The following FAM107B variants were observed in gnomAD, a reference collection of about 807,000 sequenced individuals.
FAM107B encodes the protein family with sequence similarity 107 member B.
In FAM107B, 21 loss-of-function variants were observed where a neutral mutation model predicts 31.5. The ratio of observed to expected loss-of-function variants is 0.67; its 90% CI spans 0.47 to 0.96. FAM107B has a LOEUF of 0.96. FAM107B is among the 40% of genes least tolerant of loss of function. The pLI is 0.00. For missense variants in FAM107B, 452 were observed against 377.1 expected (o/e 1.20, Z -1.64); for synonymous variants, 157 against 141.5 (o/e 1.11, Z -0.78).
chr10:14,633,773 G>C (rs1234695721), intron 2 of FAM107B, among the ~76,000 whole-genome samples: 1 of 151,944 alleles, frequency 6.6e-6, no homozygotes, highest in East Asian at 1.9e-4. Context: ...TTTTTCATAA[G>C]GCAGCTAGAG....
intron 1 of FAM107B, among the ~76,000 whole-genome samples, chr10:14,691,307 G>A (rs1321114970): frequency 6.6e-6 from 1 of 152,156 alleles, no homozygotes; most frequent in Non-Finnish European, 1.5e-5. Flanking sequence ...ACAGAGGTTA[G>A]CTCAGTCCTG....
intron 1 of FAM107B, among the ~76,000 whole-genome samples, chr10:14,716,060 T>C (rs1307228985): frequency 6.6e-6 from 1 of 152,236 alleles, no homozygotes; most frequent in African/African-American, 2.4e-5. Flanking sequence ...ATATTCCTGA[T>C]GAGACTGGCA....
intron 1 of FAM107B, among the ~76,000 whole-genome samples, chr10:14,766,906 A>G (rs1833173623): frequency 6.7e-6 from 1 of 149,600 alleles, no homozygotes; most frequent in African/African-American, 2.4e-5. Context: ...AACTCCTCCA[A>G]AGAACTGAAG....
At chr10:14,713,287 G>T (rs1855704552) in intron 1 of FAM107B, among the ~76,000 whole-genome samples, 1 of 152,148 alleles carries the variant, frequency 6.6e-6, no homozygotes, top group African/African-American at 2.4e-5. Context: ...TCATATCACA[G>T]CATGGATAAT....
chr10:14,566,738 A>G (rs1295746966), intron 2 of FAM107B, among the ~76,000 whole-genome samples: 1 of 152,248 alleles, frequency 6.6e-6, no homozygotes, highest in Non-Finnish European at 1.5e-5. Context: ...AGGAAAGAGA[A>G]AGTGGTCACT....
At chr10:14,714,994 G>A (rs1393011300) in intron 1 of FAM107B, among the ~76,000 whole-genome samples, 1 of 152,144 alleles carries the variant, frequency 6.6e-6, no homozygotes, top group Non-Finnish European at 1.5e-5. Flanking sequence ...ATAAGAAGCA[G>A]GTGGTCCGCC....
chr10:14,638,035 A>C (rs1853546722), intron 2 of FAM107B, among the ~76,000 whole-genome samples: 1 of 152,148 alleles, frequency 6.6e-6, no homozygotes, highest in Non-Finnish European at 1.5e-5. Context: ...TTTTGTCACT[A>C]AGTTTGTGGT....
Position 14,519,221 on chromosome 10 carries a change from A to T in FAM107B, c.*1969T>A, listed in dbSNP as rs892286869. 3.3e-5 allele frequency: 5 copies of T among 152,118 alleles called. No individual in the cohort carries two copies. The highest frequency in any genetic ancestry group is 7.4e-5 in the Non-Finnish European group (5 of 68,008). The allele number at this position is 152,118 out of a possible 1,614,324, so 9.4% of individuals were successfully genotyped here. A position where few individuals can be genotyped will look rare whatever the true frequency, so the allele number is the denominator to read the frequency against. On this transcript the variant is annotated 3_prime_UTR_variant, in exon 5 of 5. Coordinates refer to ENST00000181796, the MANE Select transcript of FAM107B (RefSeq NM_031453.4). Reference sequence around the variant, plus strand: ...CTCTAGGAACAGAAATGGTCCTTCTAAAGGAGCCTACCAGGGCCCCTGTGA... The same window carrying T: ...CTCTAGGAACAGAAATGGTCCTTCTTAAGGAGCCTACCAGGGCCCCTGTGA...
chr10:14,530,544 T>A (rs1564529400), intron 2 of FAM107B, 29 bp from the exon 3 acceptor site: 1 of 1,605,214 alleles, frequency 6.2e-7, no homozygotes, highest in Non-Finnish European at 8.5e-7. Flanking sequence ...AAACACTCAT[T>A]TGCAGTTTTT....
At chr10:14,700,365 T>C (rs992918686) in intron 1 of FAM107B, among the ~76,000 whole-genome samples, 2 of 152,172 alleles carry the variant, frequency 1.3e-5, no homozygotes, top group African/African-American at 2.4e-5. Context: ...AGAACTATTC[T>C]TTGAATATGA....
chr10:14,673,215 T>C (rs919754741), intron 1 of FAM107B, among the ~76,000 whole-genome samples: 3 of 152,224 alleles, frequency 2.0e-5, no homozygotes, highest in Non-Finnish European at 4.4e-5. Context: ...TGCAGTGCTA[T>C]AGAACACTAG....
chr10:14,774,120 G>T, intron 1 of FAM107B, 133 bp downstream of exon 1: 1 of 1,068,830 alleles, frequency 9.4e-7, no homozygotes. Flanking sequence ...ACACTTCTTC[G>T]CACTAGTGAG....
intron 1 of FAM107B, chr10:14,723,088 A>T: frequency 2.7e-6 from 1 of 373,200 alleles, no homozygotes; most frequent in Non-Finnish European, 5.2e-6. Flanking sequence ...TTTGGCATGT[A>T]TCTTTTTTTC....
intron 3 of FAM107B, among the ~76,000 whole-genome samples, chr10:14,524,343 A>G (rs1252890041): frequency 5.3e-5 from 8 of 152,158 alleles, no homozygotes; most frequent in Admixed American, 5.2e-4. Context: ...ACACCCAGCT[A>G]GTATAGTCCA....
At chr10:14,526,072 G>A (rs1427084889) in intron 3 of FAM107B, among the ~76,000 whole-genome samples, 2 of 152,160 alleles carry the variant, frequency 1.3e-5, no homozygotes, top group Non-Finnish European at 2.9e-5. Context: ...AAAGGTCTGG[G>A]GCTCAGACCG....
intron 2 of FAM107B, among the ~76,000 whole-genome samples, chr10:14,595,068 C>T (rs4750537): frequency 0.72 from 108,555 of 151,034 alleles, 39,913 homozygotes; most frequent in Middle Eastern, 0.82. Flanking sequence ...ACGCTACAGA[C>T]AAGAGAAAAG....
intron 2 of FAM107B, among the ~76,000 whole-genome samples, chr10:14,608,348 ATGAC>A (rs1288196188): frequency 6.6e-6 from 1 of 152,256 alleles, no homozygotes; most frequent in African/African-American, 2.4e-5. Flanking sequence ...TCAATTATCT[ATGAC>A]TGTATAACAC....
intron 1 of FAM107B, among the ~76,000 whole-genome samples, chr10:14,719,325 G>A (rs547624497): frequency 3.9e-5 from 6 of 152,236 alleles, no homozygotes; most frequent in South Asian, 2.1e-4. Flanking sequence ...GCCTGTCCTC[G>A]GGGAAGAGAT....
chr10:14,658,244 G>A (rs10906734), intron 2 of FAM107B, among the ~76,000 whole-genome samples: 58,404 of 152,058 alleles, frequency 0.38, 11,481 homozygotes, highest in East Asian at 0.52. Flanking sequence ...GAGTTTAGAG[G>A]TCAGGTCTTC....
Sources: gnomAD v4.1 joint callset for allele counts (sites outside exome capture counted in the v4.1 genomes callset) on GRCh38, gnomAD v4.1.1 for gene constraint, MANE v1.5 for transcripts, NCBI Gene and HGNC (gene_info 2026-07-23, HGNC 2026-07-21) for gene names.